IDO2: variants seen among roughly 807,000 people sequenced by gnomAD.
IDO2 encodes indoleamine 2,3-dioxygenase 2, also known as indoleamine 2,3-dioxygenase-like 1 protein.
A neutral mutation model predicts 45.1 loss-of-function variants in IDO2; 46 were observed. The observed-to-expected ratio is 1.02, with a 90% CI of 0.80 to 1.30. The LOEUF (loss-of-function observed/expected upper bound fraction) is 1.30, where lower values mean the gene tolerates loss of function less well. Among genes scored for constraint, IDO2 ranks in the 50% most tolerant of loss-of-function variants. IDO2 has a pLI of 0.00. For missense variants in IDO2, 544 were observed against 491.8 expected (o/e 1.11, Z -1.00); for synonymous variants, 218 against 184.9 (o/e 1.18, Z -1.45).
Position 40,015,344 on chromosome 8 carries a change from G to T in IDO2, c.966G>T (p.Leu322=), listed in dbSNP as rs1210427017. ...CACCTTCCCTGAGGGACTACATCCT[G>T]TCATCTGGACAGGACCACTTGCTGA... The change falls in exon 11 of 11, where the codon CTG becomes CTT. Residue 322 remains leucine, a synonymous_variant. Coordinates refer to ENST00000502986, the Ensembl canonical transcript of IDO2. The T allele has an allele frequency of 1.9e-6, 3 of 1,613,714 alleles. No homozygotes were observed. The African/African-American group carries it at 4.0e-5, about 22-fold the overall frequency.
intron 3 of IDO2, among the ~76,000 whole-genome samples, chr8:39,969,566 C>T (rs745768008): frequency 6.6e-6 from 1 of 152,238 alleles, no homozygotes; most frequent in Admixed American, 6.5e-5. Context: ...AGTTGCATGT[C>T]TCTCACTTTA....
At position 40,013,641 on chromosome 8, in the gene IDO2, G is replaced by A. The variant is rs866626875; in HGVS notation, c.796G>A (p.Gly266Arg). The change falls in exon 10 of 11, where the codon GGG becomes AGG. Residue 266 changes from glycine to arginine, a missense_variant. Physicochemically the swap from Gly to Arg is moderately radical, Grantham distance 125. Transcript: ENST00000502986. ...CCAAGAGCCCCTGAAATACTCCGGC[G>A]GGAGTGCAGCTCAGAGCACAGTGCT... The A allele has an allele frequency of 1.5e-5, 25 of 1,613,722 alleles. 1 individual carries two copies. Among genetic ancestry groups the A allele is most frequent in the African/African-American group, 1.3e-4 (10 of 74,906 alleles).
chr8:39,989,127 G>A (rs973285273), intron 7 of IDO2, among the ~76,000 whole-genome samples: 4 of 152,190 alleles, frequency 2.6e-5, no homozygotes, highest in Non-Finnish European at 4.4e-5. Flanking sequence ...GGAAAGTGAA[G>A]GGGAAGCAAG....
At chr8:40,001,608 TG>T (rs1001450271) in intron 8 of IDO2, among the ~76,000 whole-genome samples, 8 of 152,188 alleles carry the variant, frequency 5.3e-5, no homozygotes, top group African/African-American at 1.4e-4. Flanking sequence ...TAATGTTTTT[TG>T]TACACTCTGA....
intron 3 of IDO2, among the ~76,000 whole-genome samples, chr8:39,968,200 T>C (rs1442403717): frequency 6.6e-6 from 1 of 152,202 alleles, no homozygotes; most frequent in Non-Finnish European, 1.5e-5. Context: ...ATACAAATGA[T>C]TGAGCAATTA....
intron 9 of IDO2, among the ~76,000 whole-genome samples, chr8:40,010,963 G>A (rs1802301416): frequency 6.6e-6 from 1 of 152,168 alleles, no homozygotes. Flanking sequence ...CCAAACTGGA[G>A]TGCAATGGCA....
At chr8:40,010,438 G>A (rs990138945) in intron 9 of IDO2, among the ~76,000 whole-genome samples, 19 of 152,204 alleles carry the variant, frequency 1.2e-4, no homozygotes, top group African/African-American at 3.4e-4. Flanking sequence ...TGGACAACAC[G>A]GACACGTTTT....
chr8:39,958,182 G>A (rs890998306), intron 2 of IDO2, among the ~76,000 whole-genome samples: 1 of 151,620 alleles, frequency 6.6e-6, no homozygotes, highest in South Asian at 2.1e-4. Flanking sequence ...TGGGATTACA[G>A]GCGCGAGCCA....
exon 2 of IDO2, chr8:39,949,163 A>G: frequency 3.1e-6 from 5 of 1,605,354 alleles, no homozygotes; most frequent in Non-Finnish European, 4.3e-6. Context: ...TTCAAACAAA[A>G]TAATGGAGCC....
intron 2 of IDO2, among the ~76,000 whole-genome samples, chr8:39,951,890 A>G (rs1049476360): frequency 2.6e-5 from 4 of 152,358 alleles, no homozygotes; most frequent in South Asian, 4.1e-4. Context: ...AACTACGGAA[A>G]CAGATGAGAA....
intron 1 of IDO2, among the ~76,000 whole-genome samples, chr8:39,939,526 G>A (rs1263644837): frequency 8.8e-6 from 1 of 113,392 alleles, no homozygotes; most frequent in Non-Finnish European, 1.6e-5. Context: ...CAGCCTGAAC[G>A]ACAGGGCGAG....
intron 3 of IDO2, among the ~76,000 whole-genome samples, chr8:39,972,712 A>T (rs950625748): frequency 6.6e-6 from 1 of 151,672 alleles, no homozygotes; most frequent in East Asian, 1.9e-4. Context: ...GGAAGAGTCA[A>T]TTGATGTGGC....
Position 39,982,790 on chromosome 8 carries a change from C to T in IDO2, c.434+20C>T, listed in dbSNP as rs1808373741. 1.4e-6 allele frequency: 2 copies of T among 1,426,930 alleles called. No individual in the cohort carries two copies. The highest frequency in any genetic ancestry group is 2.9e-5 in the African/African-American group (2 of 70,024). The allele number at this position is 1,426,930 out of a possible 1,614,324, so 88.4% of individuals were successfully genotyped here. A position where few individuals can be genotyped will look rare whatever the true frequency, so the allele number is the denominator to read the frequency against. On this transcript the variant is annotated intron_variant, in intron 5 of 10. Transcript: ENST00000502986. ...AGACGGGTAAGGAAGGAAGAGAATG[C>T]TTTGAATTTCCATAACTTTCCCCCA...
At chr8:39,987,993 C>A (rs1349327419) in intron 7 of IDO2, 23 bp downstream of exon 7, 3 of 1,411,586 alleles carry the variant, frequency 2.1e-6, no homozygotes, top group African/African-American at 1.4e-5. Flanking sequence ...TTGATAGCAC[C>A]TTTTCTTTTT....
rs1189936570 is a variant in IDO2, at chr8:39,979,355, TTA to T, written c.315+171_315+172del. Among the ~76,000 whole-genome samples, 5 of 137,084 alleles carry T rather than the reference TTA, an allele frequency of 3.6e-5. No homozygotes were observed. The South Asian group carries it at 9.1e-4, about 25-fold the overall frequency. 89.9% of individuals were successfully genotyped at this position (137,084 alleles called of 152,430 possible). ...AGGGCTCATTTATTATTTATTATTA[TTA>T]TTTTTTTATTTTATTTTGAGCCAGT... is the stretch of plus-strand genomic sequence containing the variant. On this transcript the variant is annotated intron_variant, in intron 4 of 10. Coordinates refer to ENST00000502986, the Ensembl canonical transcript of IDO2.
chr8:39,996,328 C>T (rs1802046903), intron 8 of IDO2, among the ~76,000 whole-genome samples: 1 of 152,200 alleles, frequency 6.6e-6, no homozygotes, highest in Non-Finnish European at 1.5e-5. Flanking sequence ...AGTGAAAGTA[C>T]TAAAAGTCTT....
At chr8:39,995,183 CTT>C (rs373054648) in intron 8 of IDO2, 2,825 of 102,634 alleles carry the variant, frequency 0.028, 290 homozygotes, top group South Asian at 0.046. Context: ...CTTCTTCCTT[CTT>C]CTTCTTCTTC....
chr8:39,995,808 G>C (rs1231842961), intron 8 of IDO2, among the ~76,000 whole-genome samples: 1 of 116,484 alleles, frequency 8.6e-6, no homozygotes, highest in African/African-American at 2.8e-5. Flanking sequence ...AGGGTGAGAA[G>C]TGACCAGAAG....
intron 3 of IDO2, among the ~76,000 whole-genome samples, chr8:39,967,860 C>T (rs902175263): frequency 1.3e-5 from 2 of 152,102 alleles, no homozygotes; most frequent in Non-Finnish European, 1.5e-5. Flanking sequence ...CTGAAGAGGA[C>T]GTATAGCAAT....
Sources: gnomAD v4.1 joint callset for allele counts (sites outside exome capture counted in the v4.1 genomes callset) on GRCh38, gnomAD v4.1.1 for gene constraint, MANE v1.5 for transcripts, NCBI Gene and HGNC (gene_info 2026-07-23, HGNC 2026-07-21) for gene names.